The following PRRX1 variants were observed in gnomAD, a reference collection of about 807,000 sequenced individuals.
PRRX1 encodes paired related homeobox 1, also known as paired mesoderm homeobox protein 1.
A neutral mutation model predicts 24.0 loss-of-function variants in PRRX1; 8 were observed. That is an observed-to-expected ratio of 0.33 (90% CI 0.20 to 0.60). The LOEUF is 0.60. PRRX1 is among the 20% of genes least tolerant of loss of function. The pLI is 0.82. For synonymous variants in PRRX1, 160 were observed against 131.7 expected, an observed-to-expected ratio of 1.22 and a Z score of -1.47; for missense variants, 281 against 322.4, an observed-to-expected ratio of 0.87 and a Z score of 0.98.
chr1:170,667,158 A>G (rs1175996351), intron 1 of PRRX1, among the ~76,000 whole-genome samples: 2 of 152,160 alleles, frequency 1.3e-5, no homozygotes, highest in African/African-American at 4.8e-5. Flanking sequence ...CCAGAAAGGA[A>G]ACTGAGGCTC....
chr1:170,689,817 TCTCTCTCTCTCTCTCTCTCTCC>T (rs1316215266), intron 1 of PRRX1, among the ~76,000 whole-genome samples: 1,192 of 88,122 alleles, frequency 0.014, 21 homozygotes, highest in African/African-American at 0.041. Context: ...ATATTCCGTC[TCTCTCTCTCTCTCTCTCTCTCC>T]CTCTCTCTCT....
In PRRX1 at chr1:170,732,024, A is replaced by T. The variant is rs143072114; in HGVS notation, c.600-4024A>T. ...TGTCTGTACCCCACTTCCAAGAATA[A>T]GTGGGTTTTACTTAGAAGGCAAGAC... On this transcript the variant is annotated intron_variant, in intron 3 of 3. Transcript: ENST00000239461. 6.3e-3 allele frequency among the ~76,000 whole-genome samples: 963 copies of T among 152,290 alleles called. 12 individuals carry two copies. Among genetic ancestry groups the T allele is most frequent in the African/African-American group, 0.02 (843 of 41,562 alleles).
At chr1:170,667,053 C>A (rs1304699509) in intron 1 of PRRX1, among the ~76,000 whole-genome samples, 3 of 151,998 alleles carry the variant, frequency 2.0e-5, no homozygotes, top group Non-Finnish European at 4.4e-5. Flanking sequence ...CTGTATGTCC[C>A]GGGAGAAGGG....
intron 1 of PRRX1, among the ~76,000 whole-genome samples, chr1:170,701,849 C>CT (rs1381048252): frequency 6.6e-6 from 1 of 152,056 alleles, no homozygotes; most frequent in Non-Finnish European, 1.5e-5. Flanking sequence ...AAACATTTAT[C>CT]TTTTTTTGTG....
At chr1:170,691,803 C>G (rs190771176) in intron 1 of PRRX1, among the ~76,000 whole-genome samples, 1 of 151,790 alleles carries the variant, frequency 6.6e-6, no homozygotes, top group Non-Finnish European at 1.5e-5. Context: ...AATGGTTTAA[C>G]GTAAAGGATG....
At chr1:170,725,275 T>A (rs1655221349) in intron 2 of PRRX1, among the ~76,000 whole-genome samples, 1 of 152,156 alleles carries the variant, frequency 6.6e-6, no homozygotes, top group Non-Finnish European at 1.5e-5. Flanking sequence ...TGCACACGTA[T>A]CCCAGAACTT....
At chr1:170,686,142 A>G (rs1653724817) in intron 1 of PRRX1, among the ~76,000 whole-genome samples, 1 of 122,940 alleles carries the variant, frequency 8.1e-6, no homozygotes, top group African/African-American at 3.0e-5. Flanking sequence ...ACAACATTAC[A>G]TTAAAAAAAA....
At chr1:170,728,467 A>G (rs573407882) in intron 3 of PRRX1, 3 of 152,314 alleles carry the variant, frequency 2.0e-5, no homozygotes, top group African/African-American at 7.2e-5. Context: ...TGTTTTATAT[A>G]GATGTAGCTT....
At chr1:170,688,341 A>G (rs1653815054) in intron 1 of PRRX1, among the ~76,000 whole-genome samples, 2 of 151,758 alleles carry the variant, frequency 1.3e-5, no homozygotes, top group Non-Finnish European at 2.9e-5. Flanking sequence ...TAAGGTATCT[A>G]TTTTTTTTCT....
intron 1 of PRRX1, among the ~76,000 whole-genome samples, chr1:170,718,035 C>A (rs1430046360): frequency 6.6e-6 from 1 of 152,102 alleles, no homozygotes; most frequent in African/African-American, 2.4e-5. Context: ...GTGTAAAATA[C>A]CAAAGAGAAG....
rs1655588713 is a variant in PRRX1 at position 170,735,991 on chromosome 1, G to A, written c.600-57G>A. 1.9e-6 allele frequency: 3 copies of A among 1,607,734 alleles called. No homozygotes were observed. The South Asian group carries it at 3.3e-5, about 18-fold the overall frequency. On this transcript the variant is annotated intron_variant, in intron 3 of 3. Coordinates refer to ENST00000239461, the MANE Select transcript of PRRX1 (RefSeq NM_022716.4). ...GTACATCCATCTGGGGCACAGACTT[G>A]CAGCTTTGTGAAACTAATGCCTGTT...
At chr1:170,671,184 T>G (rs1173314681) in intron 1 of PRRX1, among the ~76,000 whole-genome samples, 3 of 152,238 alleles carry the variant, frequency 2.0e-5, no homozygotes, top group Non-Finnish European at 4.4e-5. Flanking sequence ...TTGGAAACTT[T>G]CTTAACGGGC....
chr1:170,723,311 A>G (rs538830154), intron 2 of PRRX1, among the ~76,000 whole-genome samples: 5 of 151,300 alleles, frequency 3.3e-5, no homozygotes, highest in South Asian at 2.1e-4. Context: ...GAGCTGTACA[A>G]CTGCTCACTC....
intron 1 of PRRX1, among the ~76,000 whole-genome samples, chr1:170,679,862 T>C: frequency 6.6e-6 from 1 of 152,346 alleles, no homozygotes; most frequent in East Asian, 1.9e-4. Context: ...TTTATCTTTA[T>C]CTTCTTTTCT....
chr1:170,675,399 A>T lies in PRRX1; in HGVS notation c.241+10940A>T, dbSNP rs58679495. Among the ~76,000 whole-genome samples, 84 of 152,292 alleles carry T rather than the reference A, an allele frequency of 5.5e-4. 1 individual carries two copies. In the East Asian group the frequency reaches 0.016, roughly 28 times the overall value. On this transcript the variant is annotated intron_variant, in intron 1 of 3. Coordinates refer to ENST00000239461, the MANE Select transcript of PRRX1 (RefSeq NM_022716.4). ...AGCTCACAAAATTAGTCGGGGAAAA[A>T]TTTTGTAGCAAACTAGAAATTTTCT...
At chr1:170,720,981 A>C (rs1374656267) in intron 2 of PRRX1, among the ~76,000 whole-genome samples, 1 of 152,224 alleles carries the variant, frequency 6.6e-6, no homozygotes, top group African/African-American at 2.4e-5. Context: ...AGTGATGTGG[A>C]TAGTGTTCTT....
chr1:170,689,814 GTCTC>G (rs1174654159), intron 1 of PRRX1, among the ~76,000 whole-genome samples: 2 of 108,058 alleles, frequency 1.9e-5, no homozygotes, highest in African/African-American at 3.6e-5. Flanking sequence ...TTAATATTCC[GTCTC>G]TCTCTCTCTC....
At chr1:170,683,741 G>A (rs1385779486) in intron 1 of PRRX1, among the ~76,000 whole-genome samples, 1 of 152,206 alleles carries the variant, frequency 6.6e-6, no homozygotes, top group Non-Finnish European at 1.5e-5. Context: ...AACATCAGAA[G>A]GCAGCATTGC....
intron 1 of PRRX1, among the ~76,000 whole-genome samples, chr1:170,677,493 C>T (rs1042814073): frequency 1.3e-5 from 2 of 152,320 alleles, no homozygotes; most frequent in South Asian, 2.1e-4. Flanking sequence ...ACTAGTATGA[C>T]TTATTTCAGG....
Sources: allele counts gnomAD v4.1 joint callset (sites outside exome capture counted in the v4.1 genomes callset), GRCh38; gene constraint gnomAD v4.1.1; transcripts MANE v1.5; gene names NCBI Gene and HGNC (gene_info 2026-07-23, HGNC 2026-07-21).